Variants in VPS8 observed in about 807,000 individuals in gnomAD.
VPS8 encodes the protein vacuolar protein sorting-associated protein 8 homolog.
In VPS8, 129 loss-of-function variants were observed where a neutral mutation model predicts 216.4. The observed-to-expected ratio is 0.60, with a 90% CI of 0.52 to 0.69. The LOEUF is 0.69. Ranked by LOEUF, VPS8 falls within the 30% of genes least tolerant of loss-of-function variation. The probability of loss-of-function intolerance (pLI) is 0.00; values close to 1 mark genes in which losing one functional copy is unlikely to be tolerated. For synonymous variants in VPS8, 571 were observed against 565.4 expected (o/e 1.01, Z -0.14); for missense variants, 1,531 against 1,683.5 (o/e 0.91, Z 1.59).
chr3:184,999,878 T>G lies in VPS8; in HGVS notation c.4002+17T>G. The stretch of plus-strand genomic sequence containing the variant: ...CCATCACAGGTAAGACTTGTTTTCG[T>G]GGCAAAATGGAAATGGTCTTTTCTT... On this transcript the variant is annotated intron_variant, in intron 45 of 47. Transcript: ENST00000625842. 1 of 1,591,532 alleles carries G rather than the reference T, an allele frequency of 6.3e-7. No homozygotes were observed. The highest frequency in any genetic ancestry group is 8.5e-7 in the Non-Finnish European group (1 of 1,170,190).
chr3:185,048,408 A>G (rs1713423461), intron 46 of VPS8, 71 bp from the exon 47 acceptor site: 1 of 1,438,080 alleles, frequency 7.0e-7, no homozygotes, highest in Admixed American at 1.7e-5. Flanking sequence ...ATGCTTCAGC[A>G]TCGTGTAGAG....
chr3:184,898,210 CTT>C (rs1733869266), intron 23 of VPS8, among the ~76,000 whole-genome samples: 1 of 152,106 alleles, frequency 6.6e-6, no homozygotes, highest in African/African-American at 2.4e-5. Flanking sequence ...CTGGATTTAT[CTT>C]ATCTAACACT....
intron 40 of VPS8, 184 bp from the exon 41 acceptor site, chr3:184,982,382 T>G: frequency 1.8e-6 from 1 of 558,750 alleles, no homozygotes; most frequent in Non-Finnish European, 3.1e-6. Flanking sequence ...TTCTGCTTTG[T>G]ATTGTCTTTT....
intron 25 of VPS8, among the ~76,000 whole-genome samples, chr3:184,904,501 G>T (rs929765066): frequency 6.6e-5 from 10 of 152,106 alleles, no homozygotes; most frequent in Non-Finnish European, 1.0e-4. Context: ...CTGTTTAATT[G>T]ATCCTGTATG....
chr3:184,951,614 G>T (rs1268267695), intron 36 of VPS8, among the ~76,000 whole-genome samples: 1 of 152,140 alleles, frequency 6.6e-6, no homozygotes, highest in Non-Finnish European at 1.5e-5. Flanking sequence ...GTGGATATGT[G>T]CTCCAACCTG....
chr3:184,872,720 C>T (rs147905675), intron 21 of VPS8, among the ~76,000 whole-genome samples: 2 of 152,000 alleles, frequency 1.3e-5, no homozygotes, highest in East Asian at 3.9e-4. Context: ...TTTATTTTAA[C>T]AATCATAATA....
chr3:184,955,262 G>C (rs1467134170), intron 36 of VPS8, among the ~76,000 whole-genome samples: 2 of 152,170 alleles, frequency 1.3e-5, no homozygotes, highest in African/African-American at 2.4e-5. Context: ...CCACTTTCAT[G>C]TTCCTCCCGT....
At position 184,850,044 on chromosome 3, in the gene VPS8, C is replaced by T. The variant is rs542733532; in HGVS notation, c.753+22C>T. ...CAAGGTAAGAGCTTTATTTTCTTTT[C>T]CTAATAATTTTTTTATTATGCCTTT... On this transcript the variant is annotated intron_variant, in intron 10 of 47. Coordinates refer to ENST00000625842, the MANE Select transcript of VPS8 (RefSeq NM_001009921.3). 7 of 1,574,480 alleles carry T rather than the reference C, an allele frequency of 4.4e-6. No homozygotes were observed. In the South Asian group the frequency reaches 8.2e-5, roughly 18 times the overall value.
chr3:184,900,420 C>T (rs1454266736), intron 24 of VPS8, among the ~76,000 whole-genome samples: 2 of 152,150 alleles, frequency 1.3e-5, no homozygotes, highest in Admixed American at 1.3e-4. Context: ...CTAATGGCAG[C>T]TGAATTTGCA....
chr3:185,002,594 C>A (rs1219674941), intron 45 of VPS8, among the ~76,000 whole-genome samples: 1 of 152,126 alleles, frequency 6.6e-6, no homozygotes, highest in Non-Finnish European at 1.5e-5. Flanking sequence ...TTATCCCTTA[C>A]TTTGCTCCAG....
intron 8 of VPS8, among the ~76,000 whole-genome samples, chr3:184,845,668 T>C (rs1016206052): frequency 6.7e-6 from 1 of 148,360 alleles, no homozygotes; most frequent in Non-Finnish European, 1.5e-5. Context: ...GGCAGGAGAA[T>C]AGCTTGAACC....
At chr3:184,964,585 A>C in intron 38 of VPS8, 28 bp downstream of exon 38, 2 of 1,375,588 alleles carry the variant, frequency 1.5e-6, no homozygotes, top group Non-Finnish European at 2.0e-6. Flanking sequence ...TTCTTTCATC[A>C]TATTTCTGTC....
At chr3:184,942,136 G>A (rs529330940) in intron 36 of VPS8, among the ~76,000 whole-genome samples, 6 of 151,568 alleles carry the variant, frequency 4.0e-5, no homozygotes, top group Non-Finnish European at 8.8e-5. Context: ...TTGGTATTGC[G>A]GTCACTATTT....
At chr3:184,926,568 A>C (rs1247067494) in intron 30 of VPS8, 26 bp from the exon 31 acceptor site, 25 of 1,565,528 alleles carry the variant, frequency 1.6e-5, no homozygotes, top group Non-Finnish European at 2.2e-5. Context: ...CTGATATCAA[A>C]TAAAAAATAC....
At chr3:185,002,988 T>A (rs1425676347) in intron 45 of VPS8, among the ~76,000 whole-genome samples, 2 of 152,234 alleles carry the variant, frequency 1.3e-5, no homozygotes, top group Non-Finnish European at 2.9e-5. Flanking sequence ...CTGCATCCAA[T>A]GGTAGTTCTA....
In VPS8 at chr3:184,986,561, G is replaced by A. The variant is rs185298826; in HGVS notation, c.3585+3467G>A. On this transcript the variant is annotated intron_variant, in intron 42 of 47. Transcript: ENST00000625842. ...TTCCCCCTTCCAGCAGCCATCAGACGCACTCACTTCTCATGAAGGAGACAG... is the reference window on the plus strand; with the variant it reads ...TTCCCCCTTCCAGCAGCCATCAGACACACTCACTTCTCATGAAGGAGACAG... Among the ~76,000 whole-genome samples, 4 of 152,244 alleles carry A rather than the reference G, an allele frequency of 2.6e-5. No homozygotes were observed. The East Asian group carries it at 5.8e-4, about 22-fold the overall frequency.
At chr3:184,957,909 G>A (rs969275368) in intron 37 of VPS8, among the ~76,000 whole-genome samples, 1 of 152,206 alleles carries the variant, frequency 6.6e-6, no homozygotes, top group African/African-American at 2.4e-5. Context: ...TTCCTCCCGT[G>A]CCTGCTGGTG....
chr3:184,993,073 TAAG>T (rs1216197233), intron 42 of VPS8, among the ~76,000 whole-genome samples: 1 of 151,862 alleles, frequency 6.6e-6, no homozygotes, highest in Non-Finnish European at 1.5e-5. Context: ...CTGTACCTAT[TAAG>T]AAATACTTGT....
chr3:184,914,201 C>G (rs1468672696), intron 26 of VPS8, among the ~76,000 whole-genome samples: 1 of 152,142 alleles, frequency 6.6e-6, no homozygotes, highest in Non-Finnish European at 1.5e-5. Context: ...ACTTTGAAAC[C>G]TGTTTCACAC....
Sources: allele counts gnomAD v4.1 joint callset (sites outside exome capture counted in the v4.1 genomes callset), GRCh38; gene constraint gnomAD v4.1.1; transcripts MANE v1.5; gene names NCBI Gene and HGNC (gene_info 2026-07-23, HGNC 2026-07-21).